PANK2: variants seen among roughly 807,000 people sequenced by gnomAD.
The protein encoded by PANK2 is pantothenate kinase 2, also known as pantothenate kinase 2, mitochondrial.
PANK2 carries 36 observed loss-of-function variants against 43.1 expected under a neutral mutation model. That is an observed-to-expected ratio of 0.84 (90% CI 0.64 to 1.10). The LOEUF (loss-of-function observed/expected upper bound fraction) is 1.10, where lower values mean the gene tolerates loss of function less well. PANK2 is among the 50% of genes least tolerant of loss of function. The pLI, the probability that PANK2 is intolerant of heterozygous loss-of-function variation, is 0.00. For missense variants in PANK2, 576 were observed against 593.3 expected (o/e 0.97, Z 0.30); for synonymous variants, 281 against 238.2 (o/e 1.18, Z -1.66).
At position 3,889,461 on chromosome 20, in the gene PANK2, C is replaced by T. The variant is rs1173111466; in HGVS notation, c.31C>T (p.Leu11=). 1 of 1,545,072 alleles carries T rather than the reference C, an allele frequency of 6.5e-7. No individual in the cohort carries two copies. Among genetic ancestry groups the T allele is most frequent in the East Asian group, 2.4e-5 (1 of 42,174 alleles). The change falls in exon 1 of 7, where the codon CTG becomes TTG. Residue 11 remains leucine (L), a synonymous_variant. Coordinates refer to ENST00000610179, the MANE Select transcript of PANK2 (RefSeq NM_001386393.1). ...GGGCTTGCTCGGGCGGCAGCGACTG[C>T]TGCTGCGGATGGGAGGGGGCCGGCT...
At chr20:3,908,658 CTT>C (rs1292342705) in intron 2 of PANK2, 2 of 237,360 alleles carry the variant, frequency 8.4e-6, no homozygotes, top group Admixed American at 5.2e-5. Context: ...CATAATTTCT[CTT>C]GTCTCCCTCA....
Position 3,913,788 on chromosome 20 carries a change from ATAT to A in PANK2, c.1082+1156_1082+1158del, listed in dbSNP as rs1175888616. Reference sequence around the variant, plus strand: ...CACACACACACACATATATATATATATATTTTTTTTTTTTTTTTGAGACGGAGT... The same window carrying A: ...CACACACACACACATATATATATATATTTTTTTTTTTTTTTGAGACGGAGT... On this transcript the variant is annotated intron_variant, in intron 4 of 6. Coordinates refer to ENST00000610179, the MANE Select transcript of PANK2 (RefSeq NM_001386393.1). Among the ~76,000 whole-genome samples, 10 of 132,834 alleles carry A rather than the reference ATAT, an allele frequency of 7.5e-5. No individual in the cohort carries two copies. The East Asian group carries it at 1.3e-3, about 18-fold the overall frequency. 87.1% of individuals were successfully genotyped at this position (132,834 alleles called of 152,430 possible).
At chr20:3,911,233 G>A (rs1466746795) in intron 3 of PANK2, among the ~76,000 whole-genome samples, 1 of 152,170 alleles carries the variant, frequency 6.6e-6, no homozygotes, top group South Asian at 2.1e-4. Flanking sequence ...CTATGTATGT[G>A]ATTTAGAAGT....
intron 1 of PANK2, among the ~76,000 whole-genome samples, chr20:3,893,773 C>A (rs1457130423): frequency 6.6e-6 from 1 of 152,046 alleles, no homozygotes; most frequent in African/African-American, 2.4e-5. Context: ...GGAACTGGAG[C>A]CGGGGCCCTG....
At chr20:3,910,435 G>T (rs1191402455) in intron 2 of PANK2, 142 bp from the exon 3 acceptor site, 31 of 939,448 alleles carry the variant, frequency 3.3e-5, no homozygotes, top group Non-Finnish European at 4.6e-5. Context: ...TCCTAAATCT[G>T]TTCTGTAAAG....
chr20:3,893,931 G>GTTTTTT (rs374582085), intron 1 of PANK2, among the ~76,000 whole-genome samples: 3 of 73,176 alleles, frequency 4.1e-5, no homozygotes, highest in South Asian at 6.3e-4. Flanking sequence ...TTTGTTTTTT[G>GTTTTTT]TTTTTTTTTT....
intron 1 of PANK2, among the ~76,000 whole-genome samples, chr20:3,906,748 T>G (rs2090392783): frequency 6.6e-6 from 1 of 152,206 alleles, no homozygotes; most frequent in African/African-American, 2.4e-5. Flanking sequence ...TGAGCCCTCA[T>G]TAAATTGGGA....
In PANK2 at chr20:3,893,746, G is replaced by A. The variant is rs149905805; in HGVS notation, c.298+4018G>A. Reference sequence around the variant, plus strand: ...ATTTTTTCTTGGCTTTCCGAGGAGCGTTGCTGTTGGCAGTATGGAACTGGA... The same window carrying A: ...ATTTTTTCTTGGCTTTCCGAGGAGCATTGCTGTTGGCAGTATGGAACTGGA... On this transcript the variant is annotated intron_variant, in intron 1 of 6. Coordinates refer to ENST00000610179, the MANE Select transcript of PANK2 (RefSeq NM_001386393.1). Among the ~76,000 whole-genome samples the A allele has an allele frequency of 1.9e-4, 29 of 152,118 alleles. No homozygotes were observed. The East Asian group carries it at 4.0e-3, about 21-fold the overall frequency.
At chr20:3,921,960 C>T (rs1398118789) in intron 6 of PANK2, 3 of 152,218 alleles carry the variant, frequency 2.0e-5, no homozygotes, top group Non-Finnish European at 4.4e-5. Flanking sequence ...GATCCACCTG[C>T]CTTGGCCTCC....
intron 6 of PANK2, chr20:3,921,428 T>TA (rs2090645533): frequency 6.6e-6 from 1 of 152,198 alleles, no homozygotes. Flanking sequence ...TTGTAGTTTA[T>TA]AACCACCTGT....
At chr20:3,904,055 CAAAGTGCTGGGA>C (rs1393622092) in intron 1 of PANK2, among the ~76,000 whole-genome samples, 2 of 152,000 alleles carry the variant, frequency 1.3e-5, no homozygotes, top group African/African-American at 4.8e-5. Flanking sequence ...CTTGGCCTCC[CAAAGTGCTGGGA>C]TTACATTCTT....
intron 1 of PANK2, among the ~76,000 whole-genome samples, chr20:3,895,628 A>G (rs1284178646): frequency 6.6e-6 from 1 of 151,942 alleles, no homozygotes; most frequent in Non-Finnish European, 1.5e-5. Flanking sequence ...TTTGGACTTA[A>G]AGTTTGTAGC....
intron 6 of PANK2, among the ~76,000 whole-genome samples, chr20:3,919,269 C>T (rs553860416): frequency 6.6e-6 from 1 of 152,132 alleles, no homozygotes; most frequent in Non-Finnish European, 1.5e-5. Flanking sequence ...GATACTAATG[C>T]AAGGTAAATT....
chr20:3,910,700 T>C lies in PANK2; in HGVS notation c.775T>C (p.Ser259Pro). ...CTATTACTTTGAAAACCCTGCTGAT[T>C]CTGAAAAGTGTCAGAAGTTACCATT... The change falls in exon 3 of 7, where the codon TCT becomes CCT. Residue 259 changes from serine (S) to proline (P), a missense_variant. Coordinates refer to ENST00000610179, the MANE Select transcript of PANK2 (RefSeq NM_001386393.1). 1 of 1,614,176 alleles carries C rather than the reference T, an allele frequency of 6.2e-7. No homozygotes were observed.
At chr20:3,922,657 C>T (rs1004263663) in intron 6 of PANK2, among the ~76,000 whole-genome samples, 1 of 152,032 alleles carries the variant, frequency 6.6e-6, no homozygotes, top group African/African-American at 2.4e-5. Context: ...ACCCACCGGC[C>T]TTGCTCTCCA....
chr20:3,905,634 A>G (rs1253709506), intron 1 of PANK2, among the ~76,000 whole-genome samples: 4 of 151,434 alleles, frequency 2.6e-5, no homozygotes, highest in Admixed American at 1.3e-4. Flanking sequence ...GGCGTGAGCC[A>G]CCACACCCGG....
At chr20:3,915,827 A>T (rs570184316) in intron 4 of PANK2, among the ~76,000 whole-genome samples, 1 of 152,168 alleles carries the variant, frequency 6.6e-6, no homozygotes, top group Non-Finnish European at 1.5e-5. Context: ...GTTATGTTCC[A>T]TTGATATATA....
intron 3 of PANK2, among the ~76,000 whole-genome samples, chr20:3,911,584 A>AG (rs1373932387): frequency 2.9e-5 from 1 of 34,046 alleles, no homozygotes; most frequent in African/African-American, 8.1e-5. Flanking sequence ...ACTCCGTCTC[A>AG]AAAAAAAAAG....
chr20:3,896,229 A>ATTTTTTT (rs35978823), intron 1 of PANK2, among the ~76,000 whole-genome samples: 172 of 111,564 alleles, frequency 1.5e-3, no homozygotes, highest in Non-Finnish European at 1.9e-3. Flanking sequence ...CGCCTGGCTA[A>ATTTTTTT]TTTTTTTTTT....
Sources: gnomAD v4.1 joint callset for allele counts (sites outside exome capture counted in the v4.1 genomes callset) on GRCh38, gnomAD v4.1.1 for gene constraint, MANE v1.5 for transcripts, NCBI Gene and HGNC (gene_info 2026-07-23, HGNC 2026-07-21) for gene names.